The following FARP2 variants were observed in gnomAD, a reference collection of about 807,000 sequenced individuals.
FARP2 encodes FERM, ARH/RhoGEF and pleckstrin domain protein 2, also known as FERM, ARHGEF and pleckstrin domain-containing protein 2.
In FARP2, 111 loss-of-function variants were observed where a neutral mutation model predicts 130.5. The ratio of observed to expected loss-of-function variants is 0.85; its 90% confidence interval spans 0.73 to 1.00. The LOEUF (loss-of-function observed/expected upper bound fraction) is 1.00. Ranked by LOEUF, FARP2 falls within the 50% of genes least tolerant of loss-of-function variation. The pLI, the probability that FARP2 is intolerant of heterozygous loss-of-function variation, is 0.00. For synonymous variants in FARP2, 504 were observed against 516.9 expected, an observed-to-expected ratio of 0.98 and a Z score of 0.34; for missense variants, 1,385 against 1,346.3, an observed-to-expected ratio of 1.03 and a Z score of -0.45.
At chr2:241,416,247 T>C (rs574750542) in intron 7 of FARP2, among the ~76,000 whole-genome samples, 25 of 152,182 alleles carry the variant, frequency 1.6e-4, no homozygotes, top group African/African-American at 5.3e-4. Flanking sequence ...CATGTGCACA[T>C]GTATCCGCTA....
At chr2:241,427,752 G>A (rs993957423) in intron 8 of FARP2, among the ~76,000 whole-genome samples, 1 of 151,954 alleles carries the variant, frequency 6.6e-6, no homozygotes, top group Non-Finnish European at 1.5e-5. Flanking sequence ...TCTTACCTCC[G>A]TGGCAGGCCC....
intron 2 of FARP2, among the ~76,000 whole-genome samples, chr2:241,399,146 A>G (rs769379645): frequency 3.8e-4 from 58 of 152,106 alleles, no homozygotes; most frequent in Non-Finnish European, 7.1e-4. Flanking sequence ...CCTTGATGTA[A>G]TATTGTCCAA....
chr2:241,367,922 T>C (rs1458682637), intron 1 of FARP2, among the ~76,000 whole-genome samples: 2 of 151,770 alleles, frequency 1.3e-5, no homozygotes, highest in Non-Finnish European at 2.9e-5. Flanking sequence ...TTTAGGTTAA[T>C]AGCAAAATTA....
intron 8 of FARP2, among the ~76,000 whole-genome samples, chr2:241,422,839 G>A (rs1230571684): frequency 6.6e-6 from 1 of 152,108 alleles, no homozygotes; most frequent in East Asian, 1.9e-4. Flanking sequence ...ATCAATAGCA[G>A]AATAGGCCAA....
chr2:241,441,760 GC>G, intron 13 of FARP2: 1 of 744,072 alleles, frequency 1.3e-6, no homozygotes, highest in Non-Finnish European at 2.2e-6. Flanking sequence ...TCGTGGGGGG[GC>G]CCCTGCTTTC....
intron 12 of FARP2, among the ~76,000 whole-genome samples, chr2:241,439,833 G>C (rs2005765): frequency 0.92 from 139,799 of 152,052 alleles, 64,501 homozygotes; most frequent in East Asian, 1. Flanking sequence ...TGGTAGGCGC[G>C]TATAATCCCA....
At chr2:241,436,593 G>C in intron 12 of FARP2, 55 bp downstream of exon 12, 1 of 1,354,980 alleles carries the variant, frequency 7.4e-7, no homozygotes, top group Non-Finnish European at 1.1e-6. Context: ...TACTCTTTTG[G>C]AAAATAGTCT....
At chr2:241,360,532 A>G (rs2061163122) in intron 1 of FARP2, among the ~76,000 whole-genome samples, 1 of 151,950 alleles carries the variant, frequency 6.6e-6, no homozygotes, top group South Asian at 2.1e-4. Context: ...AAATGAGCCA[A>G]GTGTGGTGGC....
intron 16 of FARP2, 173 bp downstream of exon 16, chr2:241,463,641 C>T (rs150082304): frequency 3.4e-4 from 258 of 765,878 alleles, no homozygotes; most frequent in Non-Finnish European, 5.0e-4. Flanking sequence ...TATTCACCCT[C>T]TTCCAGAAAA....
chr2:241,483,731 C>T, intron 20 of FARP2, 198 bp downstream of exon 20: 1 of 910,956 alleles, frequency 1.1e-6, no homozygotes, highest in Non-Finnish European at 1.3e-6. Context: ...AAAACAGCTT[C>T]CCCACCCACC....
At chr2:241,447,619 C>T (rs1243078813) in intron 13 of FARP2, among the ~76,000 whole-genome samples, 1 of 152,148 alleles carries the variant, frequency 6.6e-6, no homozygotes, top group Admixed American at 6.5e-5. Flanking sequence ...CTGTAAATTA[C>T]AGGGGAGGAC....
chr2:241,427,964 C>G (rs948881081), intron 8 of FARP2, among the ~76,000 whole-genome samples: 5 of 152,018 alleles, frequency 3.3e-5, no homozygotes, highest in Non-Finnish European at 5.9e-5. Context: ...GGCGGGGTTT[C>G]ACTGTGTTAG....
rs150633197 is a variant in FARP2, at chr2:241,493,306, T to C, written c.2909T>C (p.Leu970Pro). The stretch of plus-strand genomic sequence containing the variant: ...GCTGTCTTGCAGGATGACTACCCAC[T>C]GGCCAGCCTCCCGCTGCTGGGCTAC... ...FYKTHQDDYP[L>P]ASLPLLGYSV... The change falls in exon 26 of 27, where the codon CTG becomes CCG. Residue 970 changes from leucine to proline, a missense_variant. Transcript: ENST00000264042. 3 of 1,613,846 alleles carry C rather than the reference T, an allele frequency of 1.9e-6. No individual in the cohort carries two copies. The highest frequency in any genetic ancestry group is 2.2e-5 in the East Asian group (1 of 44,880).
At chr2:241,435,588 T>C (rs1047298917) in intron 11 of FARP2, among the ~76,000 whole-genome samples, 1 of 150,168 alleles carries the variant, frequency 6.7e-6, no homozygotes, top group African/African-American at 2.4e-5. Flanking sequence ...CTCGGCTCAC[T>C]GCAAGCTCCG....
chr2:241,439,932 G>T (rs1352920677), intron 12 of FARP2, among the ~76,000 whole-genome samples: 1 of 152,134 alleles, frequency 6.6e-6, no homozygotes, highest in African/African-American at 2.4e-5. Context: ...ACTCCAGCCT[G>T]AGTGACAAGA....
chr2:241,408,988 AG>A (rs1454191352), intron 5 of FARP2, among the ~76,000 whole-genome samples: 1 of 152,072 alleles, frequency 6.6e-6, no homozygotes, highest in Non-Finnish European at 1.5e-5. Context: ...CCAAAAAAAA[AG>A]TCTCTTTTGA....
intron 8 of FARP2, among the ~76,000 whole-genome samples, chr2:241,429,090 A>C (rs967559153): frequency 6.6e-6 from 1 of 152,246 alleles, no homozygotes; most frequent in African/African-American, 2.4e-5. Context: ...AAATGTTGGT[A>C]ACATCAAACG....
At chr2:241,357,210 G>A (rs1559695303) in intron 1 of FARP2, among the ~76,000 whole-genome samples, 1 of 152,320 alleles carries the variant, frequency 6.6e-6, no homozygotes, top group East Asian at 1.9e-4. Flanking sequence ...TTTAAAGGGT[G>A]GTTTTTCTCT....
At chr2:241,493,717 C>T (rs2065019911) in intron 26 of FARP2, 1 of 520,758 alleles carries the variant, frequency 1.9e-6, no homozygotes, top group Non-Finnish European at 3.4e-6. Context: ...GCCTCAGCCT[C>T]CTGAGTAACT....
Sources: allele counts gnomAD v4.1 joint callset (sites outside exome capture counted in the v4.1 genomes callset), GRCh38; gene constraint gnomAD v4.1.1; transcripts MANE v1.5; gene names NCBI Gene and HGNC (gene_info 2026-07-23, HGNC 2026-07-21).